The following LRPAP1 variants were observed in gnomAD, a reference collection of about 807,000 sequenced individuals.
The protein encoded by LRPAP1 is alpha-2-macroglobulin receptor-associated protein.
In LRPAP1, 41 loss-of-function variants were observed where a neutral mutation model predicts 39.9. The observed-to-expected ratio is 1.03, with a 90% confidence interval of 0.80 to 1.33. LRPAP1 has a LOEUF of 1.33. Among genes scored for constraint, LRPAP1 ranks in the 40% most tolerant of loss-of-function variants. The pLI is 0.00. For synonymous variants in LRPAP1, 263 were observed against 212.7 expected, an observed-to-expected ratio of 1.24 and a Z score of -2.06; for missense variants, 565 against 482.3, an observed-to-expected ratio of 1.17 and a Z score of -1.61.
Position 3,510,995 on chromosome 4 carries a change from G to T in LRPAP1, c.*1979C>A. 6.6e-6 allele frequency: 1 copy of T among 152,326 alleles called. No individual in the cohort carries two copies. Among genetic ancestry groups the T allele is most frequent in the Non-Finnish European group, 1.5e-5 (1 of 68,046 alleles). The allele number at this position is 152,326 out of a possible 1,614,324, so 9.4% of individuals were successfully genotyped here. On this transcript the variant is annotated 3_prime_UTR_variant, in exon 8 of 8. Transcript: ENST00000650182. ...TGTAACTGCCTCCCCTCAACACCAT[G>T]GTCTCCCACATACAAAAGAGGCCAT... is the stretch of plus-strand genomic sequence containing the variant.
At chr4:3,515,035 G>T in intron 6 of LRPAP1, 107 bp from the exon 7 acceptor site, 1 of 1,283,278 alleles carries the variant, frequency 7.8e-7, no homozygotes, top group Non-Finnish European at 1.1e-6. Flanking sequence ...CATACCCGGG[G>T]CAGGACAGGC....
Position 3,509,176 on chromosome 4 carries a change from A to C in LRPAP1, c.*3798T>G, listed in dbSNP as rs1170671714. ...CATTGTTGGGAGAAGTTGAAGATGA[A>C]CTCAATACCTGGAGTCATACATGGC... On this transcript the variant is annotated 3_prime_UTR_variant, in exon 8 of 8. Coordinates refer to ENST00000650182, the MANE Select transcript of LRPAP1 (RefSeq NM_002337.4). 1.3e-5 allele frequency: 2 copies of C among 152,294 alleles called. No individual in the cohort carries two copies. Among genetic ancestry groups the C allele is most frequent in the Non-Finnish European group, 2.9e-5 (2 of 68,066 alleles). 9.4% of individuals were successfully genotyped at this position (152,294 alleles called of 1,614,324 possible). A position where few individuals can be genotyped will look rare whatever the true frequency, so the allele number is the denominator to read the frequency against.
chr4:3,511,698 T>C lies in LRPAP1; in HGVS notation c.*1276A>G, dbSNP rs1307386892. The C allele has an allele frequency of 1.3e-5, 2 of 152,248 alleles. No homozygotes were observed. The highest frequency in any genetic ancestry group is 2.4e-5 in the African/African-American group (1 of 41,408). The allele number at this position is 152,248 out of a possible 1,614,324, so 9.4% of individuals were successfully genotyped here. On this transcript the variant is annotated 3_prime_UTR_variant, in exon 8 of 8. Transcript: ENST00000650182. Reference sequence around the variant, plus strand: ...TGCAGTCAAAACACAATACGCCTGGTGGAGCCTCTTCCAGGTTCAAACACG... The same window carrying C: ...TGCAGTCAAAACACAATACGCCTGGCGGAGCCTCTTCCAGGTTCAAACACG...
intron 5 of LRPAP1, among the ~76,000 whole-genome samples, chr4:3,516,994 C>T (rs531086399): frequency 5.3e-5 from 8 of 152,336 alleles, no homozygotes; most frequent in South Asian, 4.1e-4. Flanking sequence ...GGGGCTGAGT[C>T]GCCCTTTCCT....
Position 3,525,047 on chromosome 4 carries a change from T to C in LRPAP1, c.209A>G (p.His70Arg), listed in dbSNP as rs764095933. 6.2e-7 allele frequency: 1 copy of C among 1,613,784 alleles called. No homozygotes were observed. The highest frequency in any genetic ancestry group is 8.5e-7 in the Non-Finnish European group (1 of 1,180,020). The change falls in exon 2 of 8, where the codon CAT (histidine) becomes CGT (arginine). Residue 70 changes from histidine (H) to arginine (R), a missense_variant. Coordinates refer to ENST00000650182, the MANE Select transcript of LRPAP1 (RefSeq NM_002337.4). Reference sequence around the variant, plus strand: ...CTCGGCCAGCCTCACGGGAGGAAGATGCAGCTGCGAACGAAGGGGAGGAGC... The same window carrying C: ...CTCGGCCAGCCTCACGGGAGGAAGACGCAGCTGCGAACGAAGGGGAGGAGC... ...NQLWEKAQRL[H>R]LPPVRLAELH... is the part of the protein sequence containing the mutation.
intron 1 of LRPAP1, among the ~76,000 whole-genome samples, chr4:3,528,343 C>T (rs1286446707): frequency 6.6e-6 from 1 of 152,210 alleles, no homozygotes; most frequent in Non-Finnish European, 1.5e-5. Flanking sequence ...CGACCGTGTC[C>T]TCCTGACCAG....
Position 3,512,875 on chromosome 4 carries a change from A to G in LRPAP1, c.*99T>C. ...CTGCCTCGACACCCGTGCCAGCCCC[A>G]GCCACCCTGACGGCGGGCTGTCCAC... On this transcript the variant is annotated 3_prime_UTR_variant, in exon 8 of 8. Transcript: ENST00000650182. 1.8e-6 allele frequency: 2 copies of G among 1,084,208 alleles called. No individual in the cohort carries two copies. Among genetic ancestry groups the G allele is most frequent in the Non-Finnish European group, 2.7e-6 (2 of 749,924 alleles). The allele number at this position is 1,084,208 out of a possible 1,614,324, so 67.2% of individuals were successfully genotyped here.
intron 7 of LRPAP1, 53 bp downstream of exon 7, chr4:3,514,699 C>T (rs751758845): frequency 1.9e-5 from 30 of 1,545,944 alleles, no homozygotes; most frequent in Non-Finnish European, 2.5e-5. Context: ...TGGGCGGCCT[C>T]ATCTTTCCTG....
chr4:3,510,686 C>T lies in LRPAP1; in HGVS notation c.*2288G>A, dbSNP rs1034288987. On this transcript the variant is annotated 3_prime_UTR_variant, in exon 8 of 8. Transcript: ENST00000650182. ...AGGCCGCCACGCGGCAATCAGGAGTCTGCCGCTGATCCACGCAAAAGCCTG... is the reference window on the plus strand; with the variant it reads ...AGGCCGCCACGCGGCAATCAGGAGTTTGCCGCTGATCCACGCAAAAGCCTG... 1 of 152,322 alleles carries T rather than the reference C, an allele frequency of 6.6e-6. No homozygotes were observed. The highest frequency in any genetic ancestry group is 1.5e-5 in the Non-Finnish European group (1 of 68,084). 9.4% of individuals were successfully genotyped at this position (152,322 alleles called of 1,614,324 possible).
chr4:3,515,013 A>G, intron 6 of LRPAP1, 85 bp from the exon 7 acceptor site: 5 of 1,502,554 alleles, frequency 3.3e-6, no homozygotes, highest in Non-Finnish European at 4.6e-6. Context: ...CAAGGACGCC[A>G]AAGGACGGCG....
chr4:3,519,573 C>T (rs965029156), intron 3 of LRPAP1, among the ~76,000 whole-genome samples: 2 of 152,222 alleles, frequency 1.3e-5, no homozygotes, highest in Non-Finnish European at 2.9e-5. Context: ...GAGCAGGAGC[C>T]GCTGGAAATG....
rs1291277268 is a variant in LRPAP1 at position 3,509,980 on chromosome 4, G to C, written c.*2994C>G. 1 of 143,562 alleles carries C rather than the reference G, an allele frequency of 7.0e-6. No homozygotes were observed. Among genetic ancestry groups the C allele is most frequent in the Non-Finnish European group, 1.5e-5 (1 of 64,602 alleles). The allele number at this position is 143,562 out of a possible 1,614,324, so 8.9% of individuals were successfully genotyped here. ...GGGAATTGCTATTGAAATTCCAGAA[G>C]GCATGTTTTTTTGGTAGAAATTGAG... On this transcript the variant is annotated 3_prime_UTR_variant, in exon 8 of 8. Transcript: ENST00000650182.
intron 2 of LRPAP1, among the ~76,000 whole-genome samples, chr4:3,521,873 T>G (rs910820775): frequency 2.0e-5 from 3 of 152,206 alleles, no homozygotes; most frequent in Non-Finnish European, 4.4e-5. Flanking sequence ...CGGTGGCTCA[T>G]GCCTGTGATC....
chr4:3,522,052 C>A (rs1252414501), intron 2 of LRPAP1, among the ~76,000 whole-genome samples: 1 of 152,236 alleles, frequency 6.6e-6, no homozygotes. Context: ...CAAAAATACA[C>A]AAACTTTTTA....
intron 2 of LRPAP1, among the ~76,000 whole-genome samples, chr4:3,521,101 C>T (rs535910616): frequency 6.6e-6 from 1 of 152,356 alleles, no homozygotes; most frequent in African/African-American, 2.4e-5. Flanking sequence ...GTGACAGGCC[C>T]TCTACTAGGT....
chr4:3,519,039 G>T, intron 3 of LRPAP1, 48 bp from the exon 4 acceptor site: 1 of 1,595,982 alleles, frequency 6.3e-7, no homozygotes. Flanking sequence ...GGCTCGTGTG[G>T]CCAGGGCCGC....
chr4:3,521,697 G>A (rs1374483796), intron 2 of LRPAP1, among the ~76,000 whole-genome samples: 10 of 152,350 alleles, frequency 6.6e-5, no homozygotes, highest in Non-Finnish European at 8.8e-5. Context: ...TGAAAAACCA[G>A]CCTGTGGTCT....
At chr4:3,513,070 G>T (rs762427937) in intron 7 of LRPAP1, 34 bp from the exon 8 acceptor site, 2 of 1,571,458 alleles carry the variant, frequency 1.3e-6, no homozygotes, top group South Asian at 1.1e-5. Context: ...GCTGGGGACA[G>T]CGCGCCTCGA....
At chr4:3,527,208 C>CCCCAGCCAGCCCCATCCA (rs528404767) in intron 1 of LRPAP1, among the ~76,000 whole-genome samples, 4 of 152,048 alleles carry the variant, frequency 2.6e-5, no homozygotes, top group South Asian at 2.1e-4. Flanking sequence ...TGTGCCTCTT[C>CCCCAGCCAGCCCCATCCA]CCCAGCCAGC....
Sources: gnomAD v4.1 joint callset for allele counts (sites outside exome capture counted in the v4.1 genomes callset) on GRCh38, gnomAD v4.1.1 for gene constraint, MANE v1.5 for transcripts, NCBI Gene and HGNC (gene_info 2026-07-23, HGNC 2026-07-21) for gene names.